DAGLB: variants seen among roughly 807,000 people sequenced by gnomAD.
DAGLB encodes diacylglycerol lipase beta, also known as diacylglycerol lipase-beta.
DAGLB carries 66 observed loss-of-function variants against 72.1 expected under a neutral mutation model. That is an observed-to-expected ratio of 0.92 (90% CI 0.75 to 1.12). DAGLB has a LOEUF of 1.12. Ranked by LOEUF, DAGLB falls within the 50% of genes most tolerant of loss-of-function variation. The pLI, the probability that DAGLB is intolerant of heterozygous loss-of-function variation, is 0.00. For synonymous variants in DAGLB, 414 were observed against 359.5 expected (o/e 1.15, Z -1.71); for missense variants, 1,065 against 884.9 (o/e 1.20, Z -2.58).
chr7:6,447,252 T>C (rs1785036518), intron 1 of DAGLB, among the ~76,000 whole-genome samples: 1 of 152,162 alleles, frequency 6.6e-6, no homozygotes, highest in South Asian at 2.1e-4. Flanking sequence ...ACAACAGCGT[T>C]GTATGTTGAG....
chr7:6,424,832 A>G lies in DAGLB; in HGVS notation c.1060T>C (p.Tyr354His). 6.2e-7 allele frequency: 1 copy of G among 1,613,692 alleles called. No homozygotes were observed. The highest frequency in any genetic ancestry group is 8.5e-7 in the Non-Finnish European group (1 of 1,179,692). The change falls in exon 8 of 15, where the codon TAC (tyrosine) becomes CAC (histidine). Residue 354 changes from tyrosine to histidine, a missense_variant. Transcript: ENST00000297056. ...FIHVSFHDKV[Y>H]ELPFLVALDH... ...AGAGCCACTAAAAACGGCAGCTCGT[A>G]AACCTGCAGGAGCAAGAAACAAGCA... is the stretch of plus-strand genomic sequence containing the variant.
chr7:6,410,446 C>T lies in DAGLB; in HGVS notation c.1570-66G>A, dbSNP rs897155125. 1.0e-5 allele frequency: 16 copies of T among 1,534,444 alleles called. No individual in the cohort carries two copies. The African/African-American group carries it at 2.2e-4, about 21-fold the overall frequency. ...CTCTGTCACCCGAGACCTCCCGAAACACCAAGGCGGACCAGGCACAGGAAT... is the reference window on the plus strand; with the variant it reads ...CTCTGTCACCCGAGACCTCCCGAAATACCAAGGCGGACCAGGCACAGGAAT... On this transcript the variant is annotated intron_variant, in intron 13 of 14. Coordinates refer to ENST00000297056, the MANE Select transcript of DAGLB (RefSeq NM_139179.4).
intron 11 of DAGLB, 184 bp downstream of exon 11, chr7:6,416,443 T>C: frequency 1.3e-6 from 1 of 786,984 alleles, no homozygotes; most frequent in Non-Finnish European, 1.9e-6. Flanking sequence ...CTCGGGAGGC[T>C]GAGGCAGAAG....
In DAGLB at chr7:6,409,683, C is replaced by G; in HGVS notation, c.*154G>C. 2 of 906,842 alleles carry G rather than the reference C, an allele frequency of 2.2e-6. No homozygotes were observed. The highest frequency in any genetic ancestry group is 3.5e-5 in the South Asian group (2 of 57,336). 56.2% of individuals were successfully genotyped at this position (906,842 alleles called of 1,614,324 possible). ...TATGGCCACAATGACTTCCCATAAACTTAAGTCATTGAGACCATGGAATTC... is the reference window on the plus strand; with the variant it reads ...TATGGCCACAATGACTTCCCATAAAGTTAAGTCATTGAGACCATGGAATTC... On this transcript the variant is annotated 3_prime_UTR_variant, in exon 15 of 15. Transcript: ENST00000297056.
At chr7:6,436,255 C>T (rs746995169) in intron 3 of DAGLB, 107 bp downstream of exon 3, 120 of 1,384,706 alleles carry the variant, frequency 8.7e-5, no homozygotes, top group Non-Finnish European at 5.9e-5. Context: ...CAATTTCTAA[C>T]TATTTGAGGA....
intron 8 of DAGLB, among the ~76,000 whole-genome samples, chr7:6,424,028 G>C (rs1784221080): frequency 6.6e-6 from 1 of 151,882 alleles, no homozygotes; most frequent in African/African-American, 2.4e-5. Flanking sequence ...CCTGGCCCTG[G>C]ACTTAGGGGG....
intron 11 of DAGLB, among the ~76,000 whole-genome samples, chr7:6,415,641 G>A (rs1346814016): frequency 2.0e-5 from 3 of 151,348 alleles, no homozygotes; most frequent in Admixed American, 6.6e-5. Flanking sequence ...ACAGGAGATC[G>A]AGACCATCCT....
intron 9 of DAGLB, among the ~76,000 whole-genome samples, chr7:6,420,560 G>A (rs1372241722): frequency 6.6e-6 from 1 of 152,232 alleles, no homozygotes; most frequent in African/African-American, 2.4e-5. Flanking sequence ...GGTTCCCAGA[G>A]GCCGTGGAAG....
At chr7:6,411,268 CA>C (rs1293875893) in intron 13 of DAGLB, among the ~76,000 whole-genome samples, 1 of 152,138 alleles carries the variant, frequency 6.6e-6, no homozygotes, top group Non-Finnish European at 1.5e-5. Flanking sequence ...CTCAGCCTCC[CA>C]AAGTGCTGGG....
chr7:6,421,689 A>T (rs1784129826), intron 9 of DAGLB, 38 bp downstream of exon 9: 1 of 1,572,696 alleles, frequency 6.4e-7, no homozygotes, highest in African/African-American at 1.3e-5. Context: ...CTGTGTGGTC[A>T]GCATTCACAG....
intron 8 of DAGLB, 89 bp downstream of exon 8, chr7:6,424,663 G>T: frequency 8.1e-7 from 1 of 1,235,494 alleles, no homozygotes; most frequent in Non-Finnish European, 1.2e-6. Flanking sequence ...TGTCTCATGC[G>T]GTTACTGACG....
At chr7:6,424,176 A>C (rs955023357) in intron 8 of DAGLB, among the ~76,000 whole-genome samples, 1 of 152,218 alleles carries the variant, frequency 6.6e-6, no homozygotes, top group Non-Finnish European at 1.5e-5. Context: ...TGGAGAGAAG[A>C]AAGCTTTGAC....
chr7:6,431,805 A>G (rs1488405162), intron 5 of DAGLB, among the ~76,000 whole-genome samples: 1 of 152,116 alleles, frequency 6.6e-6, no homozygotes, highest in Admixed American at 6.6e-5. Context: ...GATGGATGAT[A>G]AAGTGGCCAG....
chr7:6,420,073 G>A (rs1562480695), intron 9 of DAGLB, among the ~76,000 whole-genome samples: 1 of 152,040 alleles, frequency 6.6e-6, no homozygotes, highest in African/African-American at 2.4e-5. Flanking sequence ...CTTGAACCTG[G>A]GAGATGGAGG....
intron 2 of DAGLB, among the ~76,000 whole-genome samples, chr7:6,437,006 G>A (rs567918640): frequency 2.6e-4 from 40 of 151,670 alleles, no homozygotes; most frequent in South Asian, 1.9e-3. Context: ...AAAAATTAGC[G>A]AGGCGTGGTG....
At chr7:6,425,403 CAG>C (rs1784274997) in intron 7 of DAGLB, among the ~76,000 whole-genome samples, 2 of 152,214 alleles carry the variant, frequency 1.3e-5, no homozygotes, top group Admixed American at 6.5e-5. Flanking sequence ...TCCCGACCAG[CAG>C]AGACTACAGG....
intron 8 of DAGLB, among the ~76,000 whole-genome samples, chr7:6,423,251 GAAAC>G (rs1450325043): frequency 3.9e-5 from 6 of 152,112 alleles, no homozygotes; most frequent in African/African-American, 7.2e-5. Flanking sequence ...CCCTGTCTTA[GAAAC>G]AAACAAACAA....
intron 8 of DAGLB, 41 bp downstream of exon 8, chr7:6,424,711 G>A (rs762126268): frequency 1.6e-5 from 26 of 1,599,768 alleles, no homozygotes; most frequent in South Asian, 3.3e-5. Context: ...TCCCGCTCCC[G>A]CACCCACTCC....
chr7:6,415,357 G>A (rs899591987), intron 11 of DAGLB, among the ~76,000 whole-genome samples: 37 of 151,862 alleles, frequency 2.4e-4, no homozygotes, highest in Admixed American at 1.8e-3. Context: ...CCAAGTGTGC[G>A]AAGAAAAGCT....
Sources: allele counts gnomAD v4.1 joint callset (sites outside exome capture counted in the v4.1 genomes callset), GRCh38; gene constraint gnomAD v4.1.1; transcripts MANE v1.5; gene names NCBI Gene and HGNC (gene_info 2026-07-23, HGNC 2026-07-21).